The following MICAL3 variants were observed in gnomAD, a reference collection of about 807,000 sequenced individuals.
MICAL3 encodes the protein [F-actin]-monooxygenase MICAL3.
A neutral mutation model predicts 207.4 loss-of-function variants in MICAL3; 62 were observed. The observed-to-expected ratio is 0.30, with a 90% CI of 0.24 to 0.37. MICAL3 has a LOEUF of 0.37. Ranked by LOEUF, MICAL3 falls within the 10% of genes least tolerant of loss-of-function variation. The pLI, the probability that MICAL3 is intolerant of heterozygous loss-of-function variation, is 1.00. For missense variants in MICAL3, 2,368 were observed against 2,635.6 expected (o/e 0.90, Z 2.22); for synonymous variants, 1,077 against 1,069.3 (o/e 1.01, Z -0.14).
In MICAL3 at chr22:17,817,877, T is replaced by C; in HGVS notation, c.4784A>G (p.Glu1595Gly). Reference protein sequence around the residue: ...VSAEAKELAEERMRAREKSVK... With the variant: ...VSAEAKELAEGRMRAREKSVK... ...GGACTTCTCCCTGGCTCGCATGCGCTCCTCGGCCAACTCCTTGGCTTCCGC... is the reference window on the plus strand; with the variant it reads ...GGACTTCTCCCTGGCTCGCATGCGCCCCTCGGCCAACTCCTTGGCTTCCGC... Residue 1595 changes from glutamate to glycine, a missense_variant, in exon 26 of 32, where the codon GAG (glutamate) becomes GGG (glycine). Transcript: ENST00000441493. 6.2e-7 allele frequency: 1 copy of C among 1,612,264 alleles called. No homozygotes were observed. The highest frequency in any genetic ancestry group is 2.2e-5 in the East Asian group (1 of 44,860).
Position 17,850,400 on chromosome 22 carries a change from GTTTTT to G in MICAL3, c.2606-8388_2606-8384del, listed in dbSNP as rs565667574. 3.8e-3 allele frequency among the ~76,000 whole-genome samples: 281 copies of G among 74,388 alleles called. 1 individual carries two copies. The highest frequency in any genetic ancestry group is 0.014 in the African/African-American group (257 of 18,186). 48.8% of individuals were successfully genotyped at this position (74,388 alleles called of 152,430 possible). A position where few individuals can be genotyped will look rare whatever the true frequency, so the allele number is the denominator to read the frequency against. On this transcript the variant is annotated intron_variant, in intron 19 of 31. Coordinates refer to ENST00000441493, the MANE Select transcript of MICAL3 (RefSeq NM_015241.3). ...CTGTGGAACTTTTGCTTTTGAATTA[GTTTTT>G]TTTTTTTTTTTTTTTTTTTTTTTGA...
Position 17,818,137 on chromosome 22 carries a change from C to T in MICAL3, c.4524G>A (p.Glu1508=). 1 of 1,608,868 alleles carries T rather than the reference C, an allele frequency of 6.2e-7. No homozygotes were observed. Among genetic ancestry groups the T allele is most frequent in the Non-Finnish European group, 8.5e-7 (1 of 1,178,176 alleles). The part of the protein sequence containing the change: ...PREPAQPPRE[E]VRKSFVESVE... ...CGCTCTCCACAAACGACTTCCGCAC[C>T]TCCTCTCTGGGGGGCTGAGCAGGCT... Residue 1508 remains glutamate, a synonymous_variant, in exon 26 of 32, where the codon GAG becomes GAA. Transcript: ENST00000441493.
At chr22:17,821,402 C>G in intron 25 of MICAL3, 25 bp downstream of exon 25, 1 of 1,535,560 alleles carries the variant, frequency 6.5e-7, no homozygotes, top group Non-Finnish European at 8.8e-7. Flanking sequence ...TTCTCTGTAC[C>G]CCACAGCGAG....
At chr22:18,005,871 A>C (rs1486348344) in intron 1 of MICAL3, 1 of 152,194 alleles carries the variant, frequency 6.6e-6, no homozygotes, top group Admixed American at 6.5e-5. Context: ...CTGCAAATAC[A>C]GGCTGGGCTC....
At chr22:17,802,449 T>C (rs542432324) in intron 29 of MICAL3, among the ~76,000 whole-genome samples, 131 of 152,194 alleles carry the variant, frequency 8.6e-4, no homozygotes, top group Non-Finnish European at 1.7e-3. Context: ...CGTCTGTTAA[T>C]TGGAATGTAA....
intron 29 of MICAL3, among the ~76,000 whole-genome samples, chr22:17,805,777 G>A (rs2061983123): frequency 6.6e-6 from 1 of 152,196 alleles, no homozygotes; most frequent in Admixed American, 6.5e-5. Flanking sequence ...TGCCCAGGTT[G>A]GACTGCAATG....
chr22:17,879,607 C>G lies in MICAL3; in HGVS notation c.2241+6271G>C, dbSNP rs372980873. Among the ~76,000 whole-genome samples the G allele has an allele frequency of 5.3e-4, 80 of 152,324 alleles. No homozygotes were observed. The East Asian group carries it at 5.8e-3, about 11-fold the overall frequency. On this transcript the variant is annotated intron_variant, in intron 16 of 31. Coordinates refer to ENST00000441493, the MANE Select transcript of MICAL3 (RefSeq NM_015241.3). ...ACTTTCTGCACAGCCATTCCACCCC[C>G]CACTGGCCTCCGACGAGGCCAGCTA... is the stretch of plus-strand genomic sequence containing the variant.
chr22:17,914,274 AG>A (rs1392534837), intron 1 of MICAL3, among the ~76,000 whole-genome samples: 1 of 152,036 alleles, frequency 6.6e-6, no homozygotes, highest in Non-Finnish European at 1.5e-5. Context: ...CATTGGGTGG[AG>A]GGGGGTGCTA....
intron 1 of MICAL3, among the ~76,000 whole-genome samples, chr22:17,967,971 A>G (rs1386236109): frequency 2.0e-5 from 3 of 151,944 alleles, no homozygotes; most frequent in African/African-American, 4.8e-5. Context: ...TGAACCTGGG[A>G]GGCGGAGGTT....
chr22:17,927,697 C>T (rs1188402933), intron 1 of MICAL3, among the ~76,000 whole-genome samples: 1 of 152,170 alleles, frequency 6.6e-6, no homozygotes, highest in African/African-American at 2.4e-5. Context: ...ACACACTTCT[C>T]TGAACCTCTG....
In MICAL3 at chr22:17,818,050, T is replaced by G; in HGVS notation, c.4611A>C (p.Ser1537=). 6.2e-7 allele frequency: 1 copy of G among 1,612,924 alleles called. No homozygotes were observed. Among genetic ancestry groups the G allele is most frequent in the Non-Finnish European group, 8.5e-7 (1 of 1,179,760 alleles). ...EDTYDDKTED[S]SLQEKFFTPP... ...GCGTGAAGAATTTCTCCTGCAGGCT[T>G]GAGTCCTCAGTCTTGTCGTCATAGG... The change falls in exon 26 of 32, where the codon TCA becomes TCC. Residue 1537 remains serine, a synonymous_variant. Transcript: ENST00000441493.
At chr22:17,798,831 A>C (rs13057043) in intron 29 of MICAL3, among the ~76,000 whole-genome samples, 1 of 151,208 alleles carries the variant, frequency 6.6e-6, no homozygotes, top group South Asian at 2.1e-4. Flanking sequence ...CCGCCACCAC[A>C]CCCGGCTAAT....
chr22:17,911,236 T>G (rs1037182553), intron 1 of MICAL3, among the ~76,000 whole-genome samples: 15 of 152,072 alleles, frequency 9.9e-5, no homozygotes, highest in Non-Finnish European at 2.2e-4. Context: ...AGGTTGTCAC[T>G]GACTTCTGGC....
chr22:17,875,644 C>T (rs970654614), intron 16 of MICAL3: 5 of 599,118 alleles, frequency 8.3e-6, no homozygotes, highest in Admixed American at 3.8e-5. Context: ...GGTTGTAGAG[C>T]CTTTTACTCT....
chr22:17,876,829 T>TGGAGGTTAGGGAGGTTAGGGAGGTTAG (rs1569109206), intron 16 of MICAL3: 1 of 25,258 alleles, frequency 4.0e-5, no homozygotes, highest in Admixed American at 3.5e-4. Context: ...AGGGAGGTTA[T>TGGAGGTTAGGGAGGTTAGGGAGGTTAG]GGAGGTTAGG....
At chr22:17,856,898 G>A (rs1170012918) in intron 19 of MICAL3, among the ~76,000 whole-genome samples, 1 of 152,130 alleles carries the variant, frequency 6.6e-6, no homozygotes, top group Non-Finnish European at 1.5e-5. Context: ...TGGGATTACA[G>A]GCGTGAGCCA....
intron 1 of MICAL3, among the ~76,000 whole-genome samples, chr22:18,012,789 A>G (rs1923830791): frequency 6.6e-6 from 1 of 152,196 alleles, no homozygotes; most frequent in South Asian, 2.1e-4. Context: ...AGGTCAGGTG[A>G]AAACACTACC....
At chr22:17,877,355 G>GGTTAGGGAA (rs1928810316) in intron 16 of MICAL3, among the ~76,000 whole-genome samples, 6 of 88,688 alleles carry the variant, frequency 6.8e-5, no homozygotes, top group Non-Finnish European at 1.1e-4. Context: ...AGGTTAGGGA[G>GGTTAGGGAA]GTTATGGAGG....
At chr22:17,919,291 C>A (rs1271451777) in intron 1 of MICAL3, among the ~76,000 whole-genome samples, 3 of 152,200 alleles carry the variant, frequency 2.0e-5, no homozygotes, top group Admixed American at 2.0e-4. Flanking sequence ...AACTCCTGGG[C>A]TTCAAGCAAT....
Sources: gnomAD v4.1 joint callset for allele counts (sites outside exome capture counted in the v4.1 genomes callset) on GRCh38, gnomAD v4.1.1 for gene constraint, MANE v1.5 for transcripts, NCBI Gene and HGNC (gene_info 2026-07-23, HGNC 2026-07-21) for gene names.